XKR6: variants seen among roughly 807,000 people sequenced by gnomAD.
XKR6 encodes XK related 6, also known as XK-related protein 6.
XKR6 carries 22 observed loss-of-function variants against 56.7 expected under a neutral mutation model. The ratio of observed to expected loss-of-function variants is 0.39; its 90% CI spans 0.28 to 0.55. XKR6 has a LOEUF of 0.55. XKR6 is among the 20% of genes least tolerant of loss of function. The probability of loss-of-function intolerance (pLI) is 0.66; values close to 1 mark genes in which losing one functional copy is unlikely to be tolerated. For synonymous variants in XKR6, 524 were observed against 387.8 expected, an observed-to-expected ratio of 1.35 and a Z score of -4.13; for missense variants, 852 against 889.0, an observed-to-expected ratio of 0.96 and a Z score of 0.53.
chr8:11,198,879 T>C (rs11783890), intron 1 of XKR6, among the ~76,000 whole-genome samples: 40,563 of 151,558 alleles, frequency 0.27, 6,533 homozygotes, highest in Non-Finnish European at 0.37. Flanking sequence ...GCTTCATTCC[T>C]GGCATCTTAA....
chr8:11,154,088 G>A lies in XKR6; in HGVS notation c.764+46488C>T, dbSNP rs151071776. Among the ~76,000 whole-genome samples, 672 of 152,316 alleles carry A rather than the reference G, an allele frequency of 4.4e-3. 4 individuals carry two copies. Among genetic ancestry groups the A allele is most frequent in the African/African-American group, 0.014 (595 of 41,576 alleles). On this transcript the variant is annotated intron_variant, in intron 1 of 2. Transcript: ENST00000416569. ...TGGCCTTTGCCCTCGGCTAGTGGGA[G>A]GTAATCTGTGTCATAACTAATAGAA... is the stretch of plus-strand genomic sequence containing the variant.
chr8:10,962,498 G>A (rs1402840269), intron 1 of XKR6, among the ~76,000 whole-genome samples: 1 of 152,128 alleles, frequency 6.6e-6, no homozygotes, highest in African/African-American at 2.4e-5. Context: ...ATGTATTTTT[G>A]TTTATTTACG....
chr8:11,093,288 C>T (rs547033016), intron 1 of XKR6, among the ~76,000 whole-genome samples: 2 of 152,342 alleles, frequency 1.3e-5, no homozygotes, highest in East Asian at 3.9e-4. Context: ...CTCCTGACCT[C>T]GGGTGATCCG....
At chr8:10,973,269 G>C (rs1409625957) in intron 1 of XKR6, among the ~76,000 whole-genome samples, 2 of 152,212 alleles carry the variant, frequency 1.3e-5, no homozygotes, top group African/African-American at 4.8e-5. Context: ...GTTGGACAGA[G>C]AGAAAATGCC....
chr8:10,996,607 G>C (rs753334930), intron 1 of XKR6, among the ~76,000 whole-genome samples: 11 of 152,194 alleles, frequency 7.2e-5, no homozygotes, highest in Non-Finnish European at 1.6e-4. Context: ...GTATCTACAA[G>C]TGGCGTAAAT....
At chr8:10,978,382 C>T (rs1011918412) in intron 1 of XKR6, among the ~76,000 whole-genome samples, 24 of 152,294 alleles carry the variant, frequency 1.6e-4, no homozygotes, top group African/African-American at 5.5e-4. Context: ...CTTGTCAAGA[C>T]TTAATAAATT....
At chr8:11,007,402 A>G (rs1408768298) in intron 1 of XKR6, among the ~76,000 whole-genome samples, 1 of 152,242 alleles carries the variant, frequency 6.6e-6, no homozygotes, top group South Asian at 2.1e-4. Context: ...TCTGTCGCTC[A>G]GCAGCAAAGC....
intron 1 of XKR6, chr8:11,108,221 T>C: frequency 2.2e-6 from 1 of 450,856 alleles, no homozygotes; most frequent in South Asian, 1.6e-5. Flanking sequence ...AATTCAGAAA[T>C]AACCATACAA....
intron 1 of XKR6, among the ~76,000 whole-genome samples, chr8:11,136,345 C>T (rs1357536238): frequency 1.3e-5 from 2 of 152,178 alleles, no homozygotes; most frequent in African/African-American, 2.4e-5. Context: ...GACCCTGTCT[C>T]TACTAAAAAT....
chr8:11,115,980 G>C (rs2129181514), intron 1 of XKR6, among the ~76,000 whole-genome samples: 1 of 152,318 alleles, frequency 6.6e-6, no homozygotes, highest in Middle Eastern at 3.4e-3. Flanking sequence ...GTAATATACT[G>C]CAGTTTATGC....
intron 1 of XKR6, among the ~76,000 whole-genome samples, chr8:11,063,992 C>T (rs184015954): frequency 7.9e-5 from 12 of 152,218 alleles, no homozygotes; most frequent in Admixed American, 3.3e-4. Flanking sequence ...TGCCTTGTTC[C>T]GCCTCTATTT....
At chr8:11,063,782 C>T (rs150091858) in intron 1 of XKR6, among the ~76,000 whole-genome samples, 2 of 152,168 alleles carry the variant, frequency 1.3e-5, no homozygotes, top group East Asian at 1.9e-4. Flanking sequence ...CCCCCATTCT[C>T]TTTCCCACCT....
chr8:11,024,204 GGTGTGTGTGTGTGTGTGTGTGTGTGTGT>G (rs61021720), intron 1 of XKR6, among the ~76,000 whole-genome samples: 2 of 136,810 alleles, frequency 1.5e-5, no homozygotes, highest in Non-Finnish European at 3.1e-5. Flanking sequence ...CCTGTTAGGA[GGTGTGTGTGTGTGTGTGTGTGTGTGTGT>G]GTGTGTGTGT....
At chr8:11,115,225 A>C (rs1799116733) in intron 1 of XKR6, among the ~76,000 whole-genome samples, 1 of 152,212 alleles carries the variant, frequency 6.6e-6, no homozygotes, top group African/African-American at 2.4e-5. Context: ...TTCAGTATGA[A>C]GCTTCTGTTT....
At chr8:11,034,474 G>A (rs964835092) in intron 1 of XKR6, among the ~76,000 whole-genome samples, 3 of 152,228 alleles carry the variant, frequency 2.0e-5, no homozygotes, top group Admixed American at 6.5e-5. Context: ...TGAAGCACAA[G>A]GATGGGGGAG....
intron 2 of XKR6, among the ~76,000 whole-genome samples, chr8:10,918,535 GCA>G (rs1800625620): frequency 6.6e-6 from 1 of 152,130 alleles, no homozygotes; most frequent in Non-Finnish European, 1.5e-5. Flanking sequence ...TGCAGAATCC[GCA>G]CAGATTTATC....
At chr8:10,967,326 T>G (rs1354340124) in intron 1 of XKR6, among the ~76,000 whole-genome samples, 1 of 152,134 alleles carries the variant, frequency 6.6e-6, no homozygotes, top group Non-Finnish European at 1.5e-5. Flanking sequence ...TGTAGGGGCG[T>G]GATAAGCTGC....
At position 10,924,791 on chromosome 8, in the gene XKR6, C is replaced by A; in HGVS notation, c.804G>T (p.Arg268=). The change falls in exon 2 of 3, where the codon CGG becomes CGT. Residue 268 remains arginine (R), a synonymous_variant. Transcript: ENST00000416569. ...RTMYLGIQSQ[R]RKEHQRRFYW... is the part of the protein sequence containing the mutation. ...AGAAGCGTCGCTGGTGTTCCTTCCG[C>A]CGCTGGCTCTGAATCCCCAGGTACA... The A allele has an allele frequency of 6.2e-7, 1 of 1,614,028 alleles. No homozygotes were observed.
At chr8:11,005,361 G>GATATATATATATATATATATATAT (rs1050511719) in intron 1 of XKR6, among the ~76,000 whole-genome samples, 3 of 148,888 alleles carry the variant, frequency 2.0e-5, no homozygotes, top group African/African-American at 7.8e-5. Flanking sequence ...GACTGTAGTA[G>GATATATATATATATATATATATAT]ATATAGATAT....
Sources: allele counts gnomAD v4.1 joint callset (sites outside exome capture counted in the v4.1 genomes callset), GRCh38; gene constraint gnomAD v4.1.1; transcripts MANE v1.5; gene names NCBI Gene and HGNC (gene_info 2026-07-23, HGNC 2026-07-21).